Variants in CFAP20DC observed in about 807,000 individuals in gnomAD.
CFAP20DC encodes the protein protein CFAP20DC.
Under a neutral mutation model 101.7 loss-of-function variants are expected in CFAP20DC, and 84 were observed. The observed-to-expected ratio is 0.83, with a 90% CI of 0.69 to 0.99. The LOEUF is 0.99. Among genes scored for constraint, CFAP20DC ranks in the 50% least tolerant of loss-of-function variants. The probability of loss-of-function intolerance (pLI) is 0.00; values close to 1 mark genes in which losing one functional copy is unlikely to be tolerated. For synonymous variants in CFAP20DC, 359 were observed against 351.2 expected, an observed-to-expected ratio of 1.02 and a Z score of -0.25; for missense variants, 1,007 against 970.3, an observed-to-expected ratio of 1.04 and a Z score of -0.50.
At chr3:58,931,114 A>G (rs2086603499) in intron 5 of CFAP20DC, among the ~76,000 whole-genome samples, 1 of 151,996 alleles carries the variant, frequency 6.6e-6, no homozygotes. Context: ...GCACCAGGAG[A>G]TTATATCACA....
chr3:59,022,104 C>T (rs559174788), intron 4 of CFAP20DC, among the ~76,000 whole-genome samples: 118 of 152,112 alleles, frequency 7.8e-4, no homozygotes, highest in African/African-American at 2.7e-3. Context: ...ACAGAACTGA[C>T]CTTCTGCATT....
intron 7 of CFAP20DC, among the ~76,000 whole-genome samples, chr3:58,880,412 C>T (rs1384487427): frequency 6.6e-6 from 1 of 152,126 alleles, no homozygotes; most frequent in Non-Finnish European, 1.5e-5. Context: ...CGTATAGCTG[C>T]ATGATATCTT....
intron 6 of CFAP20DC, chr3:58,887,208 C>T (rs2081717704): frequency 6.6e-6 from 1 of 152,264 alleles, no homozygotes; most frequent in Non-Finnish European, 1.5e-5. Flanking sequence ...CATTCTTTGT[C>T]ATCAACATTT....
In CFAP20DC at chr3:58,806,684, T is replaced by C. The variant is rs146185328; in HGVS notation, c.2176-228A>G. Among the ~76,000 whole-genome samples, 61 of 152,270 alleles carry C rather than the reference T, an allele frequency of 4.0e-4. No homozygotes were observed. In the East Asian group the frequency reaches 0.011, roughly 28 times the overall value. On this transcript the variant is annotated intron_variant, in intron 14 of 16. Transcript: ENST00000482387. The stretch of plus-strand genomic sequence containing the variant: ...CTGCATTTCCACCTGAGGTACCGGG[T>C]TCATCTCACTAGGGAGTGCCAGATA...
rs949881887 is a variant in CFAP20DC, at chr3:58,919,939, G to A, written c.394-6075C>T. Among the ~76,000 whole-genome samples, 7 of 151,836 alleles carry A rather than the reference G, an allele frequency of 4.6e-5. No individual in the cohort carries two copies. The South Asian group carries it at 8.3e-4, about 18-fold the overall frequency. ...TAGAATTGTTTACATAAATGATGAC[G>A]TTGTTTGCAAAGAAAGTTTTACATT... On this transcript the variant is annotated intron_variant, in intron 5 of 16. Coordinates refer to ENST00000482387, the MANE Select transcript of CFAP20DC (RefSeq NM_001394063.1).
chr3:58,856,919 C>T (rs1455175752), intron 12 of CFAP20DC, among the ~76,000 whole-genome samples: 1 of 152,078 alleles, frequency 6.6e-6, no homozygotes, highest in African/African-American at 2.4e-5. Context: ...TTTCTGTGAT[C>T]AAAAGATCCT....
chr3:59,036,041 T>C (rs1025025104), intron 4 of CFAP20DC, among the ~76,000 whole-genome samples: 1 of 152,156 alleles, frequency 6.6e-6, no homozygotes, highest in African/African-American at 2.4e-5. Flanking sequence ...ACAGAACCAA[T>C]GACAAATACC....
At position 58,861,780 on chromosome 3, in the gene CFAP20DC, C is replaced by G. The variant is rs1183936523; in HGVS notation, c.1593+1778G>C. ...AGTGTTGGCAATGGGATGGTCTCAC[C>G]ACAGACTCTAGCCGTATGCTACTGG... On this transcript the variant is annotated intron_variant, in intron 12 of 16. Coordinates refer to ENST00000482387, the MANE Select transcript of CFAP20DC (RefSeq NM_001394063.1). This position sits in a 1 kb window ranked among gnomAD's most constrained non-coding sequence, Gnocchi z 4.0. 2.2e-5 allele frequency: 22 copies of G among 985,318 alleles called. No homozygotes were observed. In the Admixed American group the frequency reaches 6.1e-4, roughly 28 times the overall value. 61.0% of individuals were successfully genotyped at this position (985,318 alleles called of 1,614,324 possible).
intron 3 of CFAP20DC, among the ~76,000 whole-genome samples, chr3:59,042,195 T>C (rs1348591796): frequency 6.6e-6 from 1 of 151,620 alleles, no homozygotes; most frequent in Non-Finnish European, 1.5e-5. Flanking sequence ...GCAGAGGGAG[T>C]ACTCCATCCT....
intron 4 of CFAP20DC, among the ~76,000 whole-genome samples, chr3:59,000,774 C>A (rs2093286925): frequency 1.3e-5 from 2 of 152,076 alleles, no homozygotes; most frequent in Non-Finnish European, 2.9e-5. Flanking sequence ...AGAGTGTGTT[C>A]CCCTCCACAA....
Position 58,863,097 on chromosome 3 carries a change from T to A in CFAP20DC, c.1593+461A>T. 2.0e-6 allele frequency: 2 copies of A among 1,000,216 alleles called. No individual in the cohort carries two copies. Among genetic ancestry groups the A allele is most frequent in the Non-Finnish European group, 2.4e-6 (2 of 840,290 alleles). The allele number at this position is 1,000,216 out of a possible 1,614,324, so 62.0% of individuals were successfully genotyped here. On this transcript the variant is annotated intron_variant, in intron 12 of 16. Coordinates refer to ENST00000482387, the MANE Select transcript of CFAP20DC (RefSeq NM_001394063.1). This position sits in a 1 kb window ranked among gnomAD's most constrained non-coding sequence, Gnocchi z 5.9. ...CACAACTCTTCAAATTCTGGGACCATATGGAAAATAATGAGTCCTAATAGG... is the reference window on the plus strand; with the variant it reads ...CACAACTCTTCAAATTCTGGGACCAAATGGAAAATAATGAGTCCTAATAGG...
At chr3:58,905,520 GATTA>G (rs1164627013) in intron 6 of CFAP20DC, among the ~76,000 whole-genome samples, 1 of 152,180 alleles carries the variant, frequency 6.6e-6, no homozygotes, top group Non-Finnish European at 1.5e-5. Context: ...AGTGAAAACT[GATTA>G]ATTGCTTGAT....
chr3:58,850,931 G>C (rs529407270), intron 12 of CFAP20DC, among the ~76,000 whole-genome samples: 1 of 152,216 alleles, frequency 6.6e-6, no homozygotes, highest in East Asian at 1.9e-4. Context: ...GGCAGTCTCC[G>C]GTGAAATCTT....
chr3:58,875,829 T>C (rs2080703695), intron 7 of CFAP20DC, among the ~76,000 whole-genome samples: 1 of 152,170 alleles, frequency 6.6e-6, no homozygotes, highest in African/African-American at 2.4e-5. Flanking sequence ...CCAACTAAAA[T>C]TTGACAAAAT....
intron 4 of CFAP20DC, among the ~76,000 whole-genome samples, chr3:58,974,152 T>C (rs1174453612): frequency 6.6e-6 from 1 of 152,152 alleles, no homozygotes; most frequent in Non-Finnish European, 1.5e-5. Flanking sequence ...GTTTGTTACA[T>C]GGGTGAGTTG....
chr3:58,834,603 G>A (rs568374442), intron 13 of CFAP20DC, among the ~76,000 whole-genome samples: 14 of 152,212 alleles, frequency 9.2e-5, no homozygotes, highest in African/African-American at 3.1e-4. Flanking sequence ...CTGGGCCTTC[G>A]TTCCACCACT....
Position 59,045,312 on chromosome 3 carries a change from T to C in CFAP20DC, c.205+917A>G, listed in dbSNP as rs142755482. On this transcript the variant is annotated intron_variant, in intron 3 of 16. Coordinates refer to ENST00000482387, the MANE Select transcript of CFAP20DC (RefSeq NM_001394063.1). ...CAGGTACCAACAACAGGTCTTTTTA[T>C]AGAGCTTCATGCATGGTAGGTATTC... Among the ~76,000 whole-genome samples the C allele has an allele frequency of 4.7e-3, 722 of 152,122 alleles. 3 individuals are homozygous for C. Among genetic ancestry groups the C allele is most frequent in the African/African-American group, 0.017 (694 of 41,538 alleles).
At chr3:58,787,467 T>C (rs971409952) in intron 15 of CFAP20DC, among the ~76,000 whole-genome samples, 26 of 151,882 alleles carry the variant, frequency 1.7e-4, no homozygotes, top group African/African-American at 6.3e-4. Flanking sequence ...TGTGCACATG[T>C]ACCCTAAAAC....
Position 58,884,649 on chromosome 3 carries a change from T to G in CFAP20DC, c.611A>C (p.Gln204Pro). ...EPTDIIPRSC[Q>P]LMTDVPHVTQ... ...GACATGTGGAACATCTGTCATTAGTTGACAGCTTCGTGGTATAATATCTGT... is the reference window on the plus strand; with the variant it reads ...GACATGTGGAACATCTGTCATTAGTGGACAGCTTCGTGGTATAATATCTGT... Residue 204 changes from glutamine (Q) to proline (P), a missense_variant, in exon 7 of 17, where the codon CAA (glutamine) becomes CCA (proline). By Grantham distance (76) the Gln-to-Pro change is moderately conservative (BLOSUM62 -1). Coordinates refer to ENST00000482387, the MANE Select transcript of CFAP20DC (RefSeq NM_001394063.1). 1.2e-6 allele frequency: 2 copies of G among 1,613,942 alleles called. No individual in the cohort carries two copies. Among genetic ancestry groups the G allele is most frequent in the Non-Finnish European group, 1.7e-6 (2 of 1,179,814 alleles).
Sources: gnomAD v4.1 joint callset for allele counts (sites outside exome capture counted in the v4.1 genomes callset) on GRCh38, gnomAD v4.1.1 for gene constraint, Gnocchi (gnomAD v3.1) non-coding constraint, MANE v1.5 for transcripts, NCBI Gene and HGNC (gene_info 2026-07-23, HGNC 2026-07-21) for gene names.